The following GKAP1 variants were observed in gnomAD, a reference collection of about 807,000 sequenced individuals.
The protein encoded by GKAP1 is G kinase-anchoring protein 1.
A neutral mutation model predicts 56.7 loss-of-function variants in GKAP1; 31 were observed. The ratio of observed to expected loss-of-function variants is 0.55; its 90% CI spans 0.41 to 0.74. The LOEUF is 0.74. Among genes scored for constraint, GKAP1 ranks in the 30% least tolerant of loss-of-function variants. GKAP1 has a pLI of 0.00. For missense variants in GKAP1, 364 were observed against 402.3 expected (o/e 0.90, Z 0.82); for synonymous variants, 151 against 138.6 (o/e 1.09, Z -0.63).
chr9:83,804,735 C>A (rs1366844613), intron 3 of GKAP1, among the ~76,000 whole-genome samples: 2 of 149,496 alleles, frequency 1.3e-5, no homozygotes, highest in Non-Finnish European at 3.0e-5. Flanking sequence ...GTCAGCCCCC[C>A]GCCGGGCCAG....
chr9:83,785,076 T>G (rs1036021512), intron 5 of GKAP1, among the ~76,000 whole-genome samples: 4 of 152,140 alleles, frequency 2.6e-5, no homozygotes, highest in African/African-American at 9.7e-5. Context: ...AACCCCCTCC[T>G]CATTGCTACC....
intron 2 of GKAP1, 40 bp from the exon 3 acceptor site, chr9:83,806,600 CAG>C (rs1301564550): frequency 1.4e-5 from 16 of 1,126,476 alleles, no homozygotes; most frequent in Admixed American, 9.3e-5. Flanking sequence ...GGTAAACAAA[CAG>C]AGTAAAATCT....
Position 83,780,413 on chromosome 9 carries a change from G to T in GKAP1, c.563-9C>A, listed in dbSNP as rs1009619848. 8 of 855,714 alleles carry T rather than the reference G, an allele frequency of 9.3e-6. No homozygotes were observed. Among genetic ancestry groups the T allele is most frequent in the Non-Finnish European group, 1.1e-5 (7 of 657,872 alleles). 53.0% of individuals were successfully genotyped at this position (855,714 alleles called of 1,614,324 possible). ...CTTTTTACTAATGTGATCTGTAAAT[G>T]AAAAAGAAACAAAGATGAAACTTTA... On this transcript the variant is annotated splice_polypyrimidine_tract_variant and intron_variant, in intron 6 of 12. Coordinates refer to ENST00000376371, the MANE Select transcript of GKAP1 (RefSeq NM_025211.4).
At chr9:83,757,393 C>G (rs1943495091) in intron 8 of GKAP1, among the ~76,000 whole-genome samples, 1 of 152,184 alleles carries the variant, frequency 6.6e-6, no homozygotes, top group South Asian at 2.1e-4. Flanking sequence ...TTTATACAAA[C>G]ACATGCACAC....
chr9:83,815,087 G>A (rs1254695743), intron 2 of GKAP1, among the ~76,000 whole-genome samples: 4 of 152,126 alleles, frequency 2.6e-5, no homozygotes, highest in Non-Finnish European at 4.4e-5. Context: ...CAGGAGAATC[G>A]CTTGAACCAG....
rs921918557 is a variant in GKAP1 at position 83,742,078 on chromosome 9, A to T, written c.976-49T>A. 49 of 1,133,224 alleles carry T rather than the reference A, an allele frequency of 4.3e-5. 1 individual carries two copies. The highest frequency in any genetic ancestry group is 9.2e-6 in the Non-Finnish European group (7 of 764,334). 70.2% of individuals were successfully genotyped at this position (1,133,224 alleles called of 1,614,324 possible). A position where few individuals can be genotyped will look rare whatever the true frequency, so the allele number is the denominator to read the frequency against. On this transcript the variant is annotated intron_variant, in intron 11 of 12. Coordinates refer to ENST00000376371, the MANE Select transcript of GKAP1 (RefSeq NM_025211.4). ...AAAAGAATTTTTGGGGTTTTTGGCA[A>T]ATACTCAATTCTTAACATATTCACA...
chr9:83,747,105 T>C (rs1031362161), intron 10 of GKAP1, among the ~76,000 whole-genome samples: 1 of 152,234 alleles, frequency 6.6e-6, no homozygotes, highest in Non-Finnish European at 1.5e-5. Context: ...TATGTCTTAA[T>C]CTGTGTTTCT....
At chr9:83,809,680 A>G (rs941689450) in intron 2 of GKAP1, among the ~76,000 whole-genome samples, 2 of 152,252 alleles carry the variant, frequency 1.3e-5, no homozygotes, top group Non-Finnish European at 2.9e-5. Context: ...CATTTTCAGC[A>G]GCATCAAATC....
intron 2 of GKAP1, among the ~76,000 whole-genome samples, chr9:83,809,626 A>T (rs574752717): frequency 6.6e-6 from 1 of 152,352 alleles, no homozygotes; most frequent in African/African-American, 2.4e-5. Flanking sequence ...AACAGCCTTA[A>T]ATCTCTATAT....
rs1943424117 is a variant in GKAP1 at position 83,753,327 on chromosome 9, T to C, written c.771A>G (p.Arg257=). The C allele has an allele frequency of 6.2e-7, 1 of 1,609,156 alleles. No individual in the cohort carries two copies. Among genetic ancestry groups the C allele is most frequent in the Non-Finnish European group, 8.5e-7 (1 of 1,176,292 alleles). The change falls in exon 9 of 13, where the codon AGA becomes AGG. Residue 257 remains arginine (R), a synonymous_variant. Coordinates refer to ENST00000376371, the MANE Select transcript of GKAP1 (RefSeq NM_025211.4). ...EVVLKDGRIE[R]LKLELERKDA... is the part of the protein sequence containing the mutation. ...CTTTCCTTTCAAGCTCTAACTTTAG[T>C]CTTTCAATTCTTCCATCTTTCAGAA...
Position 83,758,635 on chromosome 9 carries a change from G to GTGT in GKAP1, c.739-5277_739-5276insACA, listed in dbSNP as rs1409816805. On this transcript the variant is annotated intron_variant, in intron 8 of 12. Transcript: ENST00000376371. ...GTGGTGGTGCATGCCAGTAATCCCA[G>GTGT]CTACTTGGGAGGCTGAGGCAGGAGC... 8.0e-4 allele frequency among the ~76,000 whole-genome samples: 121 copies of GTGT among 152,078 alleles called. 1 individual carries two copies. Among genetic ancestry groups the GTGT allele is most frequent in the African/African-American group, 2.9e-3 (121 of 41,490 alleles).
At chr9:83,816,738 T>C (rs295271) in intron 2 of GKAP1, among the ~76,000 whole-genome samples, 64,729 of 151,938 alleles carry the variant, frequency 0.43, 14,210 homozygotes, top group African/African-American at 0.52. Flanking sequence ...TTAGTTCTTC[T>C]AATGAAAGCA....
intron 7 of GKAP1, 131 bp downstream of exon 7, chr9:83,780,251 G>C (rs974492271): frequency 1.8e-6 from 1 of 555,432 alleles, no homozygotes; most frequent in Non-Finnish European, 3.3e-6. Context: ...AACATGACTG[G>C]GTTCACTCAA....
At chr9:83,794,851 T>A (rs1047717858) in intron 4 of GKAP1, among the ~76,000 whole-genome samples, 1 of 152,188 alleles carries the variant, frequency 6.6e-6, no homozygotes, top group East Asian at 1.9e-4. Flanking sequence ...CTTGATTTAA[T>A]CGTTTTAAAA....
chr9:83,809,629 C>T (rs2780089), intron 2 of GKAP1, among the ~76,000 whole-genome samples: 6 of 152,230 alleles, frequency 3.9e-5, no homozygotes, highest in Non-Finnish European at 4.4e-5. Flanking sequence ...AGCCTTAAAT[C>T]TCTATATTGA....
chr9:83,792,536 C>A (rs1944178260), intron 4 of GKAP1, among the ~76,000 whole-genome samples: 1 of 152,030 alleles, frequency 6.6e-6, no homozygotes. Flanking sequence ...TTTTGGAACA[C>A]TGACAATATG....
chr9:83,748,397 A>C, intron 9 of GKAP1, 25 bp from the exon 10 acceptor site: 1 of 1,372,216 alleles, frequency 7.3e-7, no homozygotes, highest in Non-Finnish European at 1.0e-6. Flanking sequence ...AAAAAGATTT[A>C]GTTTTTTTAA....
chr9:83,812,117 C>T (rs979562143), intron 2 of GKAP1, among the ~76,000 whole-genome samples: 8 of 151,528 alleles, frequency 5.3e-5, no homozygotes, highest in African/African-American at 1.9e-4. Context: ...TGGGATTACT[C>T]ACTATGCTTA....
intron 10 of GKAP1, among the ~76,000 whole-genome samples, chr9:83,745,935 C>G (rs981989195): frequency 2.6e-5 from 4 of 151,972 alleles, no homozygotes; most frequent in African/African-American, 9.7e-5. Context: ...GGATTATAGG[C>G]AAGCACCACC....
Sources: allele counts gnomAD v4.1 joint callset (sites outside exome capture counted in the v4.1 genomes callset), GRCh38; gene constraint gnomAD v4.1.1; transcripts MANE v1.5; gene names NCBI Gene and HGNC (gene_info 2026-07-23, HGNC 2026-07-21).